The following PRMT8 variants were observed in gnomAD, a reference collection of about 807,000 sequenced individuals.
The protein encoded by PRMT8 is protein arginine N-methyltransferase 8.
A neutral mutation model predicts 47.1 loss-of-function variants in PRMT8; 7 were observed. That is an observed-to-expected ratio of 0.15 (90% CI 0.08 to 0.28). The LOEUF (loss-of-function observed/expected upper bound fraction) is 0.28. PRMT8 is among the 10% of genes least tolerant of loss of function. The probability of loss-of-function intolerance (pLI) is 1.00; values close to 1 mark genes in which losing one functional copy is unlikely to be tolerated. For synonymous variants in PRMT8, 188 were observed against 186.5 expected (o/e 1.01, Z -0.07); for missense variants, 237 against 505.4 (o/e 0.47, Z 5.09).
intron 9 of PRMT8, 75 bp downstream of exon 9, chr12:3,592,427 G>T (rs1867327867): frequency 6.0e-6 from 9 of 1,499,740 alleles, no homozygotes; most frequent in Non-Finnish European, 8.0e-6. Context: ...CCACTTGCCC[G>T]GGTTCTTAAG....
rs908104949 is a variant in PRMT8, at chr12:3,552,911, C to G, written c.418-740C>G. ...CTCCGGAGGTGAGGACGGCTCTTGG[C>G]AGCTGCCCCTCCATGTCCAGAACCC... On this transcript the variant is annotated intron_variant, in intron 3 of 9. Coordinates refer to ENST00000382622, the MANE Select transcript of PRMT8 (RefSeq NM_019854.5). The surrounding 1 kb of genome is among the most constrained non-coding windows in gnomAD (Gnocchi z 4.5). The G allele has an allele frequency of 1.1e-5, 4 of 375,840 alleles. No individual in the cohort carries two copies. The highest frequency in any genetic ancestry group is 5.8e-5 in the South Asian group (3 of 51,606). The allele number at this position is 375,840 out of a possible 1,614,324, so 23.3% of individuals were successfully genotyped here.
intron 1 of PRMT8, among the ~76,000 whole-genome samples, chr12:3,405,576 A>G (rs1352725384): frequency 1.3e-5 from 2 of 152,248 alleles, no homozygotes; most frequent in African/African-American, 2.4e-5. Flanking sequence ...TGTAGATACA[A>G]TGCAGGTACA....
chr12:3,576,480 T>C lies in PRMT8; in HGVS notation c.713-391T>C, dbSNP rs1454668694. ...AGAACAGCTCGAGACAGCATAGGAATGGGAACGTAGAAGACAGATAAGGGA... is the reference window on the plus strand; with the variant it reads ...AGAACAGCTCGAGACAGCATAGGAACGGGAACGTAGAAGACAGATAAGGGA... On this transcript the variant is annotated intron_variant, in intron 6 of 9. Coordinates refer to ENST00000382622, the MANE Select transcript of PRMT8 (RefSeq NM_019854.5). The surrounding 1 kb of genome is among the most constrained non-coding windows in gnomAD (Gnocchi z 4.0). 6.6e-6 allele frequency among the ~76,000 whole-genome samples: 1 copy of C among 151,994 alleles called. No individual in the cohort carries two copies. The highest frequency in any genetic ancestry group is 2.4e-5 in the African/African-American group (1 of 41,360).
At chr12:3,480,196 C>T (rs1865259309) in intron 1 of PRMT8, among the ~76,000 whole-genome samples, 2 of 152,140 alleles carry the variant, frequency 1.3e-5, no homozygotes, top group Admixed American at 6.5e-5. Context: ...CATTTGAGCT[C>T]TTCATGGGGA....
intron 1 of PRMT8, among the ~76,000 whole-genome samples, chr12:3,406,454 T>G (rs1288398888): frequency 6.6e-6 from 1 of 152,250 alleles, no homozygotes; most frequent in African/African-American, 2.4e-5. Flanking sequence ...TCTTTTTTAT[T>G]GCATTGTCAG....
At chr12:3,537,112 C>G (rs1175871995) in intron 1 of PRMT8, among the ~76,000 whole-genome samples, 4 of 152,194 alleles carry the variant, frequency 2.6e-5, no homozygotes, top group Admixed American at 2.6e-4. Context: ...AAGTCTTGAC[C>G]TATTTTCATT....
rs558273118 is a variant in PRMT8 at position 3,393,025 on chromosome 12, T to C, written c.48+11583T>C. ...TAAATGTCTTCTTTTGAGAAGTGTC[T>C]GTTCATGTCCTTCACCCACTTTTTG... On this transcript the variant is annotated intron_variant, in intron 1 of 9. Coordinates refer to the PRMT8 transcript ENST00000452611. 2.2e-4 allele frequency among the ~76,000 whole-genome samples: 33 copies of C among 152,350 alleles called. 1 individual carries two copies. The South Asian group carries it at 2.7e-3, about 12-fold the overall frequency.
chr12:3,441,957 G>A (rs936130670), intron 1 of PRMT8, among the ~76,000 whole-genome samples: 6 of 152,148 alleles, frequency 3.9e-5, no homozygotes, highest in African/African-American at 7.2e-5. Context: ...CAAACCTCCC[G>A]TCAATAAACT....
chr12:3,472,338 T>C (rs1220360708), intron 1 of PRMT8, among the ~76,000 whole-genome samples: 1 of 152,224 alleles, frequency 6.6e-6, no homozygotes, highest in Non-Finnish European at 1.5e-5. Context: ...ATTGTGAGCA[T>C]AGTAAATGCT....
At position 3,540,617 on chromosome 12, in the gene PRMT8, C is replaced by CCCAA; in HGVS notation, c.89_90insAACC (p.Ser31ThrfsTer12). The CCCAA allele has an allele frequency of 2.6e-6, 3 of 1,137,500 alleles. No homozygotes were observed. Among genetic ancestry groups the CCCAA allele is most frequent in the South Asian group, 1.3e-5 (1 of 79,840 alleles). 70.5% of individuals were successfully genotyped at this position (1,137,500 alleles called of 1,614,324 possible). A position where few individuals can be genotyped will look rare whatever the true frequency, so the allele number is the denominator to read the frequency against. ...TCTCTTCCCCTCAGGTGAACAGCCC[C>CCCAA]CCCTCCCAGCCCCCCCAGCCCGTCG... On this transcript the variant is annotated frameshift_variant, in exon 2 of 10. Coordinates refer to ENST00000382622, the MANE Select transcript of PRMT8 (RefSeq NM_019854.5). LOFTEE classifies it high-confidence loss of function.
chr12:3,550,429 C>A lies in PRMT8; in HGVS notation c.417+338C>A. 3.7e-6 allele frequency: 1 copy of A among 271,626 alleles called. No individual in the cohort carries two copies. The highest frequency in any genetic ancestry group is 7.2e-6 in the Non-Finnish European group (1 of 138,868). The allele number at this position is 271,626 out of a possible 1,614,324, so 16.8% of individuals were successfully genotyped here. A position where few individuals can be genotyped will look rare whatever the true frequency, so the allele number is the denominator to read the frequency against. On this transcript the variant is annotated intron_variant, in intron 3 of 9. Coordinates refer to ENST00000382622, the MANE Select transcript of PRMT8 (RefSeq NM_019854.5). This position sits in a 1 kb window ranked among gnomAD's most constrained non-coding sequence, Gnocchi z 5.1. The stretch of plus-strand genomic sequence containing the variant: ...TACTCGGGGGAGCTCTGGTTTGAAT[C>A]TCTGCATTTCCATTCACTAGGCATG...
chr12:3,437,022 A>T (rs2137071713), intron 1 of PRMT8, among the ~76,000 whole-genome samples: 1 of 152,318 alleles, frequency 6.6e-6, no homozygotes, highest in East Asian at 1.9e-4. Flanking sequence ...TTACCTTTTA[A>T]GTCACGAAAA....
At chr12:3,489,522 T>C (rs1022984986), upstream of PRMT8, among the ~76,000 whole-genome samples, 3 of 152,124 alleles carry the variant, frequency 2.0e-5, no homozygotes, top group Non-Finnish European at 4.4e-5. Context: ...CTTTTCTGAT[T>C]TCCTTTGATT....
intron 1 of PRMT8, among the ~76,000 whole-genome samples, chr12:3,401,124 AC>A (rs1233511613): frequency 6.8e-6 from 1 of 147,410 alleles, no homozygotes; most frequent in Non-Finnish European, 1.5e-5. Flanking sequence ...TCCAGCCTGG[AC>A]AACAAGAGCG....
chr12:3,562,871 A>G (rs915857505), intron 4 of PRMT8, among the ~76,000 whole-genome samples: 12 of 152,160 alleles, frequency 7.9e-5, no homozygotes, highest in Admixed American at 3.9e-4. Flanking sequence ...CTTCTGCTGC[A>G]GGGAGAGAGT....
chr12:3,554,782 C>T (rs781562589), intron 4 of PRMT8, among the ~76,000 whole-genome samples: 11 of 152,088 alleles, frequency 7.2e-5, no homozygotes, highest in East Asian at 1.9e-4. Flanking sequence ...TCCGAGGCAC[C>T]GAGGAGTCAG....
At chr12:3,575,365 A>G (rs777027576) in intron 6 of PRMT8, among the ~76,000 whole-genome samples, 1 of 152,250 alleles carries the variant, frequency 6.6e-6, no homozygotes, top group Non-Finnish European at 1.5e-5. Context: ...TTTAGAGAAA[A>G]GCATTTCTAC....
chr12:3,427,777 T>A (rs1251510527), intron 1 of PRMT8, among the ~76,000 whole-genome samples: 1 of 152,192 alleles, frequency 6.6e-6, no homozygotes, highest in East Asian at 1.9e-4. Context: ...TTAATTTATT[T>A]CAGGACAAGA....
intron 1 of PRMT8, among the ~76,000 whole-genome samples, chr12:3,407,070 T>C (rs1565400333): frequency 6.6e-6 from 1 of 152,108 alleles, no homozygotes; most frequent in African/African-American, 2.4e-5. Context: ...CTTACAATCA[T>C]GACAGAAAGG....
Sources: allele counts gnomAD v4.1 joint callset (sites outside exome capture counted in the v4.1 genomes callset), GRCh38; gene constraint gnomAD v4.1.1; non-coding constraint Gnocchi (gnomAD v3.1); transcripts MANE v1.5; gene names NCBI Gene and HGNC (gene_info 2026-07-23, HGNC 2026-07-21).